Variants in LOC400499 observed in about 807,000 individuals in gnomAD.
the LOC400499 span, chr16:11,457,077 C>A: frequency 6.7e-7 from 1 of 1,482,970 alleles, no homozygotes; most frequent in South Asian, 1.3e-5. Context: ...CCAATGGGAT[C>A]ATGCCACCCC....
At chr16:11,414,547 T>G in the LOC400499 span, 1 of 399,466 alleles carries the variant, frequency 2.5e-6, no homozygotes, top group Non-Finnish European at 4.4e-6. Context: ...GAAGACAGCT[T>G]CACCTCCCTT....
chr16:11,435,222 C>T, the LOC400499 span, among the ~76,000 whole-genome samples: 2 of 152,122 alleles, frequency 1.3e-5, no homozygotes, highest in Admixed American at 1.3e-4. Context: ...AAGCAATCCT[C>T]CCACCTCAGC....
the LOC400499 span, among the ~76,000 whole-genome samples, chr16:11,490,760 G>A: frequency 6.6e-6 from 1 of 152,198 alleles, no homozygotes; most frequent in Non-Finnish European, 1.5e-5. Context: ...ATGATCCTGA[G>A]AGGCTATTGT....
At chr16:11,502,719 A>G in the LOC400499 span, among the ~76,000 whole-genome samples, 7 of 150,800 alleles carry the variant, frequency 4.6e-5, no homozygotes, top group East Asian at 1.2e-3. Flanking sequence ...GGTTCTAGCG[A>G]TTCTCCCGCC....
chr16:11,446,095 G>C, the LOC400499 span, among the ~76,000 whole-genome samples: 1 of 151,818 alleles, frequency 6.6e-6, no homozygotes, highest in Non-Finnish European at 1.5e-5. Flanking sequence ...AAAGTGCTAG[G>C]ATTACAGGTA....
chr16:11,500,651 G>A, the LOC400499 span, among the ~76,000 whole-genome samples: 6 of 152,068 alleles, frequency 3.9e-5, no homozygotes, highest in African/African-American at 1.4e-4. Context: ...CCTTGAACCC[G>A]CCACAGAAGC....
At chr16:11,385,344 C>G in the LOC400499 span, 1 of 1,232,312 alleles carries the variant, frequency 8.1e-7, no homozygotes, top group East Asian at 3.2e-5. Context: ...GATGCTGCCG[C>G]ACTGGGTGCT....
At chr16:11,386,144 A>T in the LOC400499 span, among the ~76,000 whole-genome samples, 11 of 152,338 alleles carry the variant, frequency 7.2e-5, no homozygotes, top group East Asian at 1.9e-3. Context: ...GGTCCCTCAA[A>T]CACAAGACTG....
At chr16:11,514,275 G>A in the LOC400499 span, 22 of 398,648 alleles carry the variant, frequency 5.5e-5, no homozygotes, top group Non-Finnish European at 9.3e-5. Flanking sequence ...ACAGAGGAAC[G>A]GAACCTGGGC....
At chr16:11,471,746 A>C in the LOC400499 span, 1 of 399,258 alleles carries the variant, frequency 2.5e-6, no homozygotes, top group Admixed American at 4.4e-5. Context: ...ACAGGCAATG[A>C]GAGCAGGTAG....
At chr16:11,485,304 G>C in the LOC400499 span, among the ~76,000 whole-genome samples, 2 of 152,056 alleles carry the variant, frequency 1.3e-5, no homozygotes, top group African/African-American at 4.8e-5. Context: ...AATTCTTTAA[G>C]GCTTGGTTCA....
the LOC400499 span, among the ~76,000 whole-genome samples, chr16:11,374,826 C>A: frequency 1.3e-5 from 2 of 152,208 alleles, no homozygotes; most frequent in South Asian, 4.1e-4. Flanking sequence ...GATCCATACC[C>A]AGAAGTAGAA....
chr16:11,387,457 G>A, the LOC400499 span, among the ~76,000 whole-genome samples: 1 of 152,178 alleles, frequency 6.6e-6, no homozygotes, highest in Non-Finnish European at 1.5e-5. Flanking sequence ...CCATCATGAG[G>A]TGGAGGAGGA....
the LOC400499 span, chr16:11,522,232 C>A: frequency 2.5e-6 from 1 of 397,836 alleles, no homozygotes. Context: ...CCTGAGCTGC[C>A]TGTCCCCAGC....
At chr16:11,430,987 C>A in the LOC400499 span, 1 of 398,902 alleles carries the variant, frequency 2.5e-6, no homozygotes, top group African/African-American at 2.1e-5. Context: ...CCTTGCAGTT[C>A]CAAAGAAAGT....
the LOC400499 span, chr16:11,491,763 C>T: frequency 7.5e-6 from 3 of 397,572 alleles, no homozygotes; most frequent in East Asian, 7.1e-5. Context: ...CTCACTGGGG[C>T]ATCTCATCAG....
the LOC400499 span, among the ~76,000 whole-genome samples, chr16:11,379,204 T>C: frequency 6.6e-6 from 1 of 152,188 alleles, no homozygotes; most frequent in Non-Finnish European, 1.5e-5. Context: ...GCCGTTATCA[T>C]GCCACTGCAC....
the LOC400499 span, chr16:11,393,565 A>T: frequency 8.1e-7 from 1 of 1,232,298 alleles, no homozygotes; most frequent in Non-Finnish European, 1.0e-6. Flanking sequence ...CGAAGCTGGG[A>T]GGGGGAAGGC....
chr16:11,486,523 G>C, the LOC400499 span, among the ~76,000 whole-genome samples: 4 of 128,632 alleles, frequency 3.1e-5, no homozygotes, highest in East Asian at 1.0e-3. Flanking sequence ...ATGATGGCTG[G>C]ATAGATGATG....
Sources: gnomAD v4.1 joint callset for allele counts (sites outside exome capture counted in the v4.1 genomes callset) on GRCh38, gnomAD v4.1.1 for gene constraint, MANE v1.5 for transcripts.